LRMDA: variants seen among roughly 807,000 people sequenced by gnomAD.
The protein encoded by LRMDA is leucine-rich melanocyte differentiation-associated protein.
Under a neutral mutation model 29.8 loss-of-function variants are expected in LRMDA, and 18 were observed. The ratio of observed to expected loss-of-function variants is 0.60; its 90% confidence interval spans 0.42 to 0.90. The LOEUF is 0.90. Ranked by LOEUF, LRMDA falls within the 40% of genes least tolerant of loss-of-function variation. LRMDA has a pLI of 0.00. For missense variants in LRMDA, 273 were observed against 273.9 expected (o/e 1.00, Z 0.02); for synonymous variants, 125 against 109.4 (o/e 1.14, Z -0.89).
intron 5 of LRMDA, among the ~76,000 whole-genome samples, chr10:76,304,993 G>A (rs1840534017): frequency 2.0e-5 from 3 of 152,178 alleles, no homozygotes; most frequent in Admixed American, 6.5e-5. Flanking sequence ...AGAGCAAGGT[G>A]AATCACTACG....
chr10:76,265,281 G>A (rs1165922936), intron 5 of LRMDA, among the ~76,000 whole-genome samples: 1 of 152,146 alleles, frequency 6.6e-6, no homozygotes. Context: ...ATAACGGTTT[G>A]GAGTTCTTTC....
chr10:75,951,126 G>C (rs1846566781), intron 2 of LRMDA, among the ~76,000 whole-genome samples: 1 of 152,148 alleles, frequency 6.6e-6, no homozygotes, highest in Non-Finnish European at 1.5e-5. Flanking sequence ...TGCCATCCCT[G>C]GTTCAGCTAT....
At chr10:76,109,779 A>T (rs1564655114) in intron 5 of LRMDA, among the ~76,000 whole-genome samples, 1 of 152,188 alleles carries the variant, frequency 6.6e-6, no homozygotes, top group African/African-American at 2.4e-5. Flanking sequence ...TTTTGCTAGT[A>T]CTATAAACCT....
chr10:76,544,117 A>G (rs1190024786), intron 6 of LRMDA, among the ~76,000 whole-genome samples: 1 of 152,136 alleles, frequency 6.6e-6, no homozygotes, highest in Non-Finnish European at 1.5e-5. Flanking sequence ...TTATAATGAG[A>G]TTTTGGCCAA....
At chr10:76,031,597 A>G (rs1425539483) in intron 2 of LRMDA, among the ~76,000 whole-genome samples, 1 of 152,152 alleles carries the variant, frequency 6.6e-6, no homozygotes, top group East Asian at 1.9e-4. Flanking sequence ...CTGGGCAGAC[A>G]GAAATCATCA....
intron 2 of LRMDA, among the ~76,000 whole-genome samples, chr10:75,590,412 A>C (rs1468598892): frequency 7.0e-6 from 1 of 142,296 alleles, no homozygotes; most frequent in Non-Finnish European, 1.6e-5. Flanking sequence ...GCTTTCTTCT[A>C]GTACTTTTAT....
chr10:75,730,059 G>C (rs985478360), intron 2 of LRMDA, among the ~76,000 whole-genome samples: 1 of 152,040 alleles, frequency 6.6e-6, no homozygotes, highest in Non-Finnish European at 1.5e-5. Context: ...CTCAGCCTCT[G>C]AGCAAGTGTA....
chr10:76,138,013 C>A (rs966048189), intron 5 of LRMDA, among the ~76,000 whole-genome samples: 3 of 152,082 alleles, frequency 2.0e-5, no homozygotes, highest in African/African-American at 4.8e-5. Flanking sequence ...GAGGATAGCT[C>A]ATAGGAGTTG....
At chr10:76,160,017 T>C (rs546923930) in intron 5 of LRMDA, among the ~76,000 whole-genome samples, 1 of 152,152 alleles carries the variant, frequency 6.6e-6, no homozygotes, top group South Asian at 2.1e-4. Context: ...TAATGTAAAC[T>C]ATGAGCTTTG....
intron 6 of LRMDA, among the ~76,000 whole-genome samples, chr10:76,406,860 AT>A (rs1841907733): frequency 1.3e-5 from 2 of 152,136 alleles, no homozygotes; most frequent in African/African-American, 4.8e-5. Flanking sequence ...TCCTACTCAT[AT>A]TTTAAGGTAG....
At chr10:76,298,103 C>T (rs552024311) in intron 5 of LRMDA, among the ~76,000 whole-genome samples, 8 of 152,192 alleles carry the variant, frequency 5.3e-5, no homozygotes, top group South Asian at 2.1e-4. Flanking sequence ...GCATGCCTTG[C>T]GAGCAACAAA....
At chr10:76,323,797 A>G (rs528497805) in intron 5 of LRMDA, among the ~76,000 whole-genome samples, 13 of 152,306 alleles carry the variant, frequency 8.5e-5, no homozygotes, top group African/African-American at 2.9e-4. Flanking sequence ...TAGGCCTTGG[A>G]GTGACACATT....
intron 5 of LRMDA, among the ~76,000 whole-genome samples, chr10:76,209,190 T>C (rs1407085684): frequency 6.6e-6 from 1 of 152,054 alleles, no homozygotes; most frequent in Non-Finnish European, 1.5e-5. Context: ...AAAACTTGCC[T>C]TTCACACAAA....
chr10:76,516,804 C>T (rs562074124), intron 6 of LRMDA, among the ~76,000 whole-genome samples: 5 of 152,198 alleles, frequency 3.3e-5, no homozygotes, highest in Non-Finnish European at 5.9e-5. Context: ...AATAAACATA[C>T]GTGTGCATGT....
chr10:75,966,958 A>T (rs557319279), intron 2 of LRMDA, among the ~76,000 whole-genome samples: 59 of 152,350 alleles, frequency 3.9e-4, no homozygotes, highest in Admixed American at 6.5e-4. Context: ...ACCCCATAGG[A>T]GGCAAGGCTG....
intron 2 of LRMDA, among the ~76,000 whole-genome samples, chr10:75,488,792 TG>T (rs1313790723): frequency 6.6e-6 from 1 of 152,050 alleles, no homozygotes; most frequent in African/African-American, 2.4e-5. Context: ...TGGCTGAGGG[TG>T]GGTATGGAAA....
chr10:76,106,750 G>A (rs1849491920), intron 5 of LRMDA, among the ~76,000 whole-genome samples: 1 of 152,156 alleles, frequency 6.6e-6, no homozygotes. Context: ...ATGTCCTCAG[G>A]TCTCTATTAC....
chr10:76,543,429 C>T (rs990995136), intron 6 of LRMDA, among the ~76,000 whole-genome samples: 3 of 151,624 alleles, frequency 2.0e-5, no homozygotes, highest in Non-Finnish European at 4.4e-5. Flanking sequence ...CTCTCCCTGG[C>T]CTTATATGAC....
chr10:76,397,817 AG>A (rs200885657), intron 6 of LRMDA, among the ~76,000 whole-genome samples: 3,324 of 152,310 alleles, frequency 0.022, 70 homozygotes, highest in African/African-American at 0.06. Context: ...AAATGCCTGA[AG>A]ACTCACAAAA....
Sources: gnomAD v4.1 joint callset for allele counts (sites outside exome capture counted in the v4.1 genomes callset) on GRCh38, gnomAD v4.1.1 for gene constraint, MANE v1.5 for transcripts, NCBI Gene and HGNC (gene_info 2026-07-23, HGNC 2026-07-21) for gene names.